Variants in STXBP5L observed in about 807,000 individuals in gnomAD.
The protein encoded by STXBP5L is syntaxin-binding protein 5-like.
Under a neutral mutation model 144.5 loss-of-function variants are expected in STXBP5L, and 65 were observed. That is an observed-to-expected ratio of 0.45 (90% CI 0.37 to 0.55). The LOEUF (loss-of-function observed/expected upper bound fraction) is 0.55. STXBP5L is among the 20% of genes least tolerant of loss of function. The pLI is 0.00. For synonymous variants in STXBP5L, 505 were observed against 469.6 expected (o/e 1.08, Z -0.97); for missense variants, 1,298 against 1,405.5 (o/e 0.92, Z 1.22).
chr3:121,415,902 CA>C lies in STXBP5L; in HGVS notation c.3164del (p.Asn1055ThrfsTer44). The C allele has an allele frequency of 6.2e-7, 1 of 1,613,458 alleles. No individual in the cohort carries two copies. The highest frequency in any genetic ancestry group is 8.5e-7 in the Non-Finnish European group (1 of 1,179,634). ...LFTPIETPEA[Q>X]NRGFLKGLFG... ...TACTCCCATAGAGACACCAGAAGCT[CA>C]AAACAGAGGCTTTCTCAAGGGACTG... On this transcript the variant is annotated frameshift_variant, in exon 25 of 27. Coordinates refer to ENST00000471454, the MANE Select transcript of STXBP5L (RefSeq NM_001308330.2). LOFTEE classifies it high-confidence loss of function.
chr3:121,410,203 G>C (rs1222133406), intron 23 of STXBP5L, among the ~76,000 whole-genome samples: 1 of 151,744 alleles, frequency 6.6e-6, no homozygotes, highest in Middle Eastern at 3.4e-3. Flanking sequence ...AGGTCTATTT[G>C]TGTATGTGTG....
chr3:121,116,964 G>T (rs147666329), intron 6 of STXBP5L, among the ~76,000 whole-genome samples: 34 of 152,018 alleles, frequency 2.2e-4, no homozygotes, highest in African/African-American at 7.7e-4. Flanking sequence ...TGCTGCTAAA[G>T]TAATTGAGAA....
intron 22 of STXBP5L, among the ~76,000 whole-genome samples, chr3:121,398,403 G>T (rs1560056146): frequency 6.6e-6 from 1 of 152,226 alleles, no homozygotes; most frequent in Non-Finnish European, 1.5e-5. Context: ...TTGTACAGGG[G>T]TGAGGGAATG....
chr3:121,024,059 A>C (rs1207484285), intron 3 of STXBP5L, among the ~76,000 whole-genome samples: 1 of 152,100 alleles, frequency 6.6e-6, no homozygotes, highest in Non-Finnish European at 1.5e-5. Context: ...TGCCTGGCCT[A>C]AAAATGTATT....
At chr3:121,264,214 C>T (rs1375972832) in intron 18 of STXBP5L, among the ~76,000 whole-genome samples, 1 of 152,172 alleles carries the variant, frequency 6.6e-6, no homozygotes, top group Non-Finnish European at 1.5e-5. Context: ...CCAAACTAAG[C>T]TTCATAAGCA....
intron 3 of STXBP5L, among the ~76,000 whole-genome samples, chr3:120,970,103 T>G (rs768258615): frequency 6.6e-6 from 1 of 152,056 alleles, no homozygotes; most frequent in Non-Finnish European, 1.5e-5. Flanking sequence ...TAATTTGATT[T>G]ATTGGTGTTT....
At chr3:120,923,018 C>G (rs1709431672) in intron 2 of STXBP5L, among the ~76,000 whole-genome samples, 1 of 151,898 alleles carries the variant, frequency 6.6e-6, no homozygotes, top group Non-Finnish European at 1.5e-5. Context: ...CTGCTTCAAT[C>G]TTATTCCTCA....
intron 22 of STXBP5L, among the ~76,000 whole-genome samples, chr3:121,401,894 T>TTA (rs1202991152): frequency 7.3e-6 from 1 of 137,638 alleles, no homozygotes; most frequent in African/African-American, 2.7e-5. Context: ...TAGAGTATAA[T>TTA]AAAAAAAAAA....
intron 14 of STXBP5L, among the ~76,000 whole-genome samples, chr3:121,242,132 C>G (rs546996030): frequency 1.4e-4 from 21 of 151,504 alleles, no homozygotes; most frequent in African/African-American, 4.8e-4. Context: ...ACCAAATCTA[C>G]CATTAAAAAA....
intron 3 of STXBP5L, among the ~76,000 whole-genome samples, chr3:120,961,023 T>G (rs1938730968): frequency 6.6e-6 from 1 of 152,186 alleles, no homozygotes; most frequent in South Asian, 2.1e-4. Flanking sequence ...CTGTTCAGGA[T>G]ATCTATTTCT....
At chr3:121,379,142 C>T (rs145020455) in intron 21 of STXBP5L, among the ~76,000 whole-genome samples, 4 of 152,048 alleles carry the variant, frequency 2.6e-5, no homozygotes, top group African/African-American at 9.7e-5. Flanking sequence ...GAGACCTATG[C>T]CTAAATCTGT....
At chr3:121,001,957 A>T (rs963430950) in intron 3 of STXBP5L, among the ~76,000 whole-genome samples, 1 of 152,186 alleles carries the variant, frequency 6.6e-6, no homozygotes, top group African/African-American at 2.4e-5. Flanking sequence ...CCATTCATCC[A>T]TTGACAGACA....
chr3:121,230,453 T>G (rs1488713006), intron 11 of STXBP5L, among the ~76,000 whole-genome samples: 1 of 145,606 alleles, frequency 6.9e-6, no homozygotes, highest in African/African-American at 2.7e-5. Context: ...CAGATACAAG[T>G]CTGGTTGTAT....
intron 9 of STXBP5L, among the ~76,000 whole-genome samples, chr3:121,172,576 A>G (rs1190443117): frequency 2.6e-5 from 4 of 152,260 alleles, no homozygotes; most frequent in African/African-American, 7.2e-5. Flanking sequence ...AAACATATGA[A>G]AAACAGCTCA....
chr3:121,022,316 C>T lies in STXBP5L; in HGVS notation c.288-19384C>T, dbSNP rs187277403. 3.0e-3 allele frequency among the ~76,000 whole-genome samples: 455 copies of T among 152,090 alleles called. 3 individuals carry two copies. Among genetic ancestry groups the T allele is most frequent in the Admixed American group, 9.4e-3 (144 of 15,276 alleles). On this transcript the variant is annotated intron_variant, in intron 3 of 26. Transcript: ENST00000471454. ...CAACAACAACAAAAAAAGTCCAGGA[C>T]CAGATGGATTAACAGCTGTATTCTA...
At chr3:120,996,366 G>A (rs981606785) in intron 3 of STXBP5L, among the ~76,000 whole-genome samples, 2 of 151,562 alleles carry the variant, frequency 1.3e-5, no homozygotes, top group South Asian at 2.1e-4. Flanking sequence ...TATATTTAAG[G>A]TATACAATGT....
At chr3:121,074,973 G>A (rs1019066768) in intron 5 of STXBP5L, among the ~76,000 whole-genome samples, 2 of 152,184 alleles carry the variant, frequency 1.3e-5, no homozygotes, top group Admixed American at 1.3e-4. Context: ...AATCGCTTGA[G>A]TTACTCCTGA....
chr3:121,003,059 G>A (rs1559982623), intron 3 of STXBP5L, among the ~76,000 whole-genome samples: 1 of 152,102 alleles, frequency 6.6e-6, no homozygotes, highest in Non-Finnish European at 1.5e-5. Flanking sequence ...ATAATCCTTT[G>A]GGTATATACC....
chr3:121,156,816 C>A (rs561277433), intron 8 of STXBP5L, among the ~76,000 whole-genome samples: 1 of 151,838 alleles, frequency 6.6e-6, no homozygotes, highest in South Asian at 2.1e-4. Context: ...TATTAGTAAT[C>A]TAGGGATGAT....
Sources: gnomAD v4.1 joint callset for allele counts (sites outside exome capture counted in the v4.1 genomes callset) on GRCh38, gnomAD v4.1.1 for gene constraint, MANE v1.5 for transcripts, NCBI Gene and HGNC (gene_info 2026-07-23, HGNC 2026-07-21) for gene names.